Variants in CLIP1 observed in about 807,000 individuals in gnomAD.
CLIP1 encodes CAP-Gly domain-containing linker protein 1.
CLIP1 carries 66 observed loss-of-function variants against 161.6 expected under a neutral mutation model. That is an observed-to-expected ratio of 0.41 (90% CI 0.33 to 0.50). The LOEUF (loss-of-function observed/expected upper bound fraction) is 0.50, where lower values mean the gene tolerates loss of function less well. CLIP1 is among the 20% of genes least tolerant of loss of function. CLIP1 has a pLI of 0.27. For missense variants in CLIP1, 1,376 were observed against 1,702.0 expected, an observed-to-expected ratio of 0.81 and a Z score of 3.37; for synonymous variants, 598 against 626.2, an observed-to-expected ratio of 0.96 and a Z score of 0.67.
At chr12:122,334,893 CAA>C (rs1385024833) in intron 12 of CLIP1, among the ~76,000 whole-genome samples, 188 bp from the exon 13 acceptor site, 1 of 152,170 alleles carries the variant, frequency 6.6e-6, no homozygotes, top group African/African-American at 2.4e-5. Flanking sequence ...TGTATACACA[CAA>C]AAGAGTGCAG....
chr12:122,288,736 T>TA (rs1955963305), intron 20 of CLIP1, among the ~76,000 whole-genome samples, 195 bp from the exon 21 acceptor site: 1 of 151,744 alleles, frequency 6.6e-6, no homozygotes. Context: ...ACGACCTCAG[T>TA]AACTCCCCCT....
chr12:122,338,901 A>T (rs1176540681), intron 11 of CLIP1, among the ~76,000 whole-genome samples: 1 of 152,162 alleles, frequency 6.6e-6, no homozygotes, highest in East Asian at 1.9e-4. Flanking sequence ...TCCTGTAACC[A>T]GTTTGTCATC....
In CLIP1 at chr12:122,324,781, A is replaced by G. The variant is rs538717557; in HGVS notation, c.3249+3166T>C. ...TTAAAAATACAATTAAAAGAAGTAC[A>G]AAAACTCAGTATATTTTAATGAAAA... is the stretch of plus-strand genomic sequence containing the variant. On this transcript the variant is annotated intron_variant, in intron 17 of 25. Coordinates refer to ENST00000620786, the MANE Select transcript of CLIP1 (RefSeq NM_001247997.2). Among the ~76,000 whole-genome samples the G allele has an allele frequency of 8.2e-4, 125 of 152,318 alleles. 2 individuals are homozygous for G. In the South Asian group the frequency reaches 0.022, roughly 26 times the overall value.
chr12:122,403,900 G>C (rs1304040236), intron 1 of CLIP1, among the ~76,000 whole-genome samples: 1 of 152,120 alleles, frequency 6.6e-6, no homozygotes, highest in Non-Finnish European at 1.5e-5. Context: ...AACACTCCTT[G>C]TGCACATTTA....
chr12:122,418,882 A>G (rs896722851), intron 1 of CLIP1, among the ~76,000 whole-genome samples: 1 of 152,234 alleles, frequency 6.6e-6, no homozygotes, highest in Non-Finnish European at 1.5e-5. Context: ...GAGAAGAAAG[A>G]AGCTGATTAT....
intron 15 of CLIP1, among the ~76,000 whole-genome samples, chr12:122,331,853 G>A (rs1951984694): frequency 6.6e-6 from 1 of 151,654 alleles, no homozygotes; most frequent in African/African-American, 2.4e-5. Context: ...AAATCAGCCG[G>A]GTGTGGTGGC....
chr12:122,288,202 T>C (rs1466197070), intron 21 of CLIP1, among the ~76,000 whole-genome samples: 1 of 152,132 alleles, frequency 6.6e-6, no homozygotes, highest in Non-Finnish European at 1.5e-5. Flanking sequence ...CTGGCTAATT[T>C]TTTGTATTTT....
intron 3 of CLIP1, among the ~76,000 whole-genome samples, chr12:122,365,115 T>TCCCTATGAATTCATGGCATA (rs1566178980): frequency 7.2e-5 from 11 of 151,886 alleles, no homozygotes; most frequent in African/African-American, 2.4e-4. Context: ...GGGATAGCAT[T>TCCCTATGAATTCATGGCATA]AGGAGATATA....
intron 10 of CLIP1, among the ~76,000 whole-genome samples, chr12:122,347,117 C>G (rs1391976292): frequency 6.6e-6 from 1 of 152,180 alleles, no homozygotes; most frequent in Non-Finnish European, 1.5e-5. Flanking sequence ...TATATCCATT[C>G]ATTTATTCAG....
chr12:122,387,450 G>C (rs1453056218), intron 1 of CLIP1, among the ~76,000 whole-genome samples: 5 of 109,012 alleles, frequency 4.6e-5, no homozygotes, highest in Non-Finnish European at 7.8e-5. Context: ...TTGTGGAGGC[G>C]GGGGGGAGGA....
At chr12:122,306,076 A>C (rs891095122) in intron 20 of CLIP1, among the ~76,000 whole-genome samples, 3 of 150,432 alleles carry the variant, frequency 2.0e-5, no homozygotes, top group African/African-American at 7.3e-5. Context: ...AAGCAAGCAG[A>C]AGAACGTGAA....
intron 21 of CLIP1, among the ~76,000 whole-genome samples, chr12:122,283,516 T>C (rs1224829475): frequency 2.6e-5 from 4 of 151,048 alleles, no homozygotes; most frequent in African/African-American, 7.3e-5. Context: ...TGGAGTGCAG[T>C]GGTGCGATCT....
intron 3 of CLIP1, among the ~76,000 whole-genome samples, chr12:122,374,482 A>G (rs535835618): frequency 3.4e-5 from 5 of 146,172 alleles, no homozygotes; most frequent in African/African-American, 1.3e-4. Flanking sequence ...AAAAATTAGC[A>G]GCCAGGCGCG....
chr12:122,360,984 C>T lies in CLIP1; in HGVS notation c.980G>A (p.Ser327Asn), dbSNP rs1566171898. The T allele has an allele frequency of 1.9e-6, 3 of 1,613,588 alleles. No individual in the cohort carries two copies. The highest frequency in any genetic ancestry group is 8.5e-7 in the Non-Finnish European group (1 of 1,179,984). The change falls in exon 5 of 26, where the codon AGC becomes AAC. Residue 327 changes from serine (S) to asparagine (N), a missense_variant. Physicochemically the swap from Ser to Asn is conservative, Grantham distance 46. This residue lies in a region of CLIP1 where 211 missense variants were observed against 295.1 expected (regional missense o/e 0.72). Coordinates refer to ENST00000620786, the MANE Select transcript of CLIP1 (RefSeq NM_001247997.2). ...SSMSSVASSV[S>N]SRPSRTGLLT... ...TAGTCCTGTCCGACTGGGCCTGCTG[C>T]TCACAGAGGAGGCCACTGAGCTCAT...
intron 1 of CLIP1, among the ~76,000 whole-genome samples, chr12:122,404,603 A>C (rs1271299367): frequency 1.3e-5 from 2 of 148,534 alleles, no homozygotes; most frequent in Non-Finnish European, 3.0e-5. Flanking sequence ...CCATCTGAAA[A>C]CAAAAAACAA....
In CLIP1 at chr12:122,273,007, G is replaced by A; in HGVS notation, c.4185C>T (p.Thr1395=). 1.2e-6 allele frequency: 2 copies of A among 1,614,124 alleles called. No individual in the cohort carries two copies. The highest frequency in any genetic ancestry group is 1.7e-6 in the Non-Finnish European group (2 of 1,180,028). Residue 1395 remains threonine (T), a synonymous_variant, in exon 26 of 26, where the codon ACC becomes ACT. Coordinates refer to ENST00000620786, the MANE Select transcript of CLIP1 (RefSeq NM_001247997.2). ...GAGGGTCCTCTGACATCTGTGCCTG[G>A]GTAGGACAATCCTCTGTGTCGTGGA... ...FDLHDTEDCP[T]QAQMSEDPPH... is the part of the protein sequence containing the mutation.
chr12:122,414,976 T>C (rs1956681025), intron 1 of CLIP1, among the ~76,000 whole-genome samples: 1 of 151,948 alleles, frequency 6.6e-6, no homozygotes, highest in South Asian at 2.1e-4. Flanking sequence ...GAGAATCCTC[T>C]GAACCCAGGA....
chr12:122,399,287 C>G (rs563917179), intron 1 of CLIP1: 1 of 152,308 alleles, frequency 6.6e-6, no homozygotes, highest in East Asian at 1.9e-4. Context: ...TAACTCCATA[C>G]CTTCACAGTT....
rs536217567 is a variant in CLIP1, at chr12:122,321,384, T to C, written c.3250-2036A>G. On this transcript the variant is annotated intron_variant, in intron 17 of 25. Transcript: ENST00000620786. ...CCTCAGCCTCCTGAGTAGCTGGGAT[T>C]ATAAGCGCACGCCACCACGCCTGGC... 2.6e-5 allele frequency among the ~76,000 whole-genome samples: 4 copies of C among 151,630 alleles called. No individual in the cohort carries two copies. In the South Asian group the frequency reaches 8.4e-4, roughly 32 times the overall value.
Sources: gnomAD v4.1 joint callset for allele counts (sites outside exome capture counted in the v4.1 genomes callset) on GRCh38, gnomAD v4.1.1 for gene constraint, gnomAD v4.1.1 regional missense constraint, MANE v1.5 for transcripts, NCBI Gene and HGNC (gene_info 2026-07-23, HGNC 2026-07-21) for gene names.